NBEA: variants seen among roughly 807,000 people sequenced by gnomAD.
The protein encoded by NBEA is lysosomal-trafficking regulator 2.
NBEA carries 44 observed loss-of-function variants against 343.4 expected under a neutral mutation model. The ratio of observed to expected loss-of-function variants is 0.13; its 90% CI spans 0.10 to 0.16. The LOEUF (loss-of-function observed/expected upper bound fraction) is 0.16. NBEA is among the 10% of genes least tolerant of loss of function. NBEA has a pLI of 1.00. For missense variants in NBEA, 2,555 were observed against 3,631.3 expected, an observed-to-expected ratio of 0.70 and a Z score of 7.62; for synonymous variants, 1,175 against 1,238.7, an observed-to-expected ratio of 0.95 and a Z score of 1.08.
intron 38 of NBEA, among the ~76,000 whole-genome samples, chr13:35,415,175 C>T (rs1055823326): frequency 3.3e-5 from 5 of 152,148 alleles, no homozygotes; most frequent in Admixed American, 6.6e-5. Context: ...TTCTCCCATT[C>T]TGTAGGTTGC....
At position 35,195,911 on chromosome 13, in the gene NBEA, A is replaced by C. The variant is rs201904198; in HGVS notation, c.4975A>C (p.Thr1659Pro). The C allele has an allele frequency of 2.5e-6, 4 of 1,611,446 alleles. No individual in the cohort carries two copies. Among genetic ancestry groups the C allele is most frequent in the African/African-American group, 1.3e-5 (1 of 74,818 alleles). The change falls in exon 31 of 59, where the codon ACT becomes CCT. Residue 1659 changes from threonine to proline, a missense_variant. This residue lies in a region of NBEA where 270 missense variants were observed against 293.3 expected (regional missense o/e 0.92). Transcript: ENST00000379939. ...PDTIKEKETPTPGEDIQVESS... is the reference protein window; with the variant it reads ...PDTIKEKETPPPGEDIQVESS... ...CACCATAAAAGAAAAAGAAACACCAACTCCTGGTGAAGATATTCAGGTAGA... is the reference window on the plus strand; with the variant it reads ...CACCATAAAAGAAAAAGAAACACCACCTCCTGGTGAAGATATTCAGGTAGA...
intron 28 of NBEA, among the ~76,000 whole-genome samples, chr13:35,178,792 A>G (rs2071100434): frequency 6.6e-6 from 1 of 151,562 alleles, no homozygotes; most frequent in Non-Finnish European, 1.5e-5. Flanking sequence ...ACTCACTGTA[A>G]TCTAAACTCT....
intron 8 of NBEA, among the ~76,000 whole-genome samples, chr13:35,066,560 T>C (rs1002150864): frequency 6.6e-6 from 1 of 152,118 alleles, no homozygotes; most frequent in African/African-American, 2.4e-5. Context: ...TAATATCTAG[T>C]AATATATCTT....
chr13:35,594,143 T>G lies in NBEA; in HGVS notation c.7296+696T>G, dbSNP rs141314432. On this transcript the variant is annotated intron_variant, in intron 47 of 58. Transcript: ENST00000379939. Reference sequence around the variant, plus strand: ...CTCTCATTTGTCTCATTTTTTTTCCTGATAATAAGGTTACATGGCCAGGTT... The same window carrying G: ...CTCTCATTTGTCTCATTTTTTTTCCGGATAATAAGGTTACATGGCCAGGTT... Among the ~76,000 whole-genome samples, 6 of 152,270 alleles carry G rather than the reference T, an allele frequency of 3.9e-5. No individual in the cohort carries two copies. The East Asian group carries it at 1.2e-3, about 29-fold the overall frequency.
intron 34 of NBEA, among the ~76,000 whole-genome samples, chr13:35,284,822 T>G (rs1468243061): frequency 6.6e-6 from 1 of 152,058 alleles, no homozygotes; most frequent in Non-Finnish European, 1.5e-5. Flanking sequence ...GGAAGACAAT[T>G]TCATGTTTCA....
chr13:35,161,604 G>C (rs899391229), intron 22 of NBEA, 146 bp from the exon 23 acceptor site: 1 of 723,646 alleles, frequency 1.4e-6, no homozygotes, highest in African/African-American at 1.8e-5. Context: ...GAATTACCAG[G>C]TGAATAATAT....
chr13:35,409,788 C>T (rs149846185), intron 38 of NBEA, among the ~76,000 whole-genome samples: 11 of 151,624 alleles, frequency 7.3e-5, no homozygotes, highest in Non-Finnish European at 1.6e-4. Context: ...TAGAGAGGGC[C>T]GCAGCTTAAC....
intron 36 of NBEA, among the ~76,000 whole-genome samples, chr13:35,325,820 GT>G (rs1375889771): frequency 6.6e-6 from 1 of 151,908 alleles, no homozygotes. Context: ...TCTTTCTTTA[GT>G]TAATTTTTAT....
chr13:35,665,924 A>C (rs1403524017), intron 56 of NBEA, among the ~76,000 whole-genome samples: 2 of 152,196 alleles, frequency 1.3e-5, no homozygotes, highest in African/African-American at 4.8e-5. Flanking sequence ...CACCACACCC[A>C]GCCTCTTTGG....
intron 1 of NBEA, among the ~76,000 whole-genome samples, chr13:34,970,282 T>C (rs1318466529): frequency 6.6e-6 from 1 of 152,184 alleles, no homozygotes; most frequent in East Asian, 1.9e-4. Flanking sequence ...AAGTGGCTTA[T>C]AGATGCTGGA....
At chr13:35,104,455 G>GCTTA (rs2065816786) in intron 11 of NBEA, among the ~76,000 whole-genome samples, 1 of 151,892 alleles carries the variant, frequency 6.6e-6, no homozygotes. Context: ...CTAGAACAGT[G>GCTTA]CTTAGCTCAG....
chr13:35,235,375 A>AT (rs532135060), intron 34 of NBEA, among the ~76,000 whole-genome samples: 1 of 152,144 alleles, frequency 6.6e-6, no homozygotes, highest in Non-Finnish European at 1.5e-5. Context: ...AAAGCCTTTT[A>AT]TTTTTTCTGT....
At chr13:35,576,554 C>G (rs1192703876) in intron 45 of NBEA, among the ~76,000 whole-genome samples, 1 of 151,958 alleles carries the variant, frequency 6.6e-6, no homozygotes, top group Non-Finnish European at 1.5e-5. Context: ...ATTCTAAAAG[C>G]CGACTAAAAT....
chr13:35,598,439 G>A (rs1179069377), intron 47 of NBEA, among the ~76,000 whole-genome samples: 1 of 152,098 alleles, frequency 6.6e-6, no homozygotes, highest in Non-Finnish European at 1.5e-5. Flanking sequence ...CCTCTGAATC[G>A]TTCTTTTGTT....
intron 38 of NBEA, among the ~76,000 whole-genome samples, chr13:35,423,922 C>T (rs181100739): frequency 3.3e-5 from 5 of 152,022 alleles, no homozygotes; most frequent in South Asian, 2.1e-4. Flanking sequence ...ATTGTGAATG[C>T]GAGTTCACTC....
intron 34 of NBEA, among the ~76,000 whole-genome samples, chr13:35,237,872 G>A (rs928103314): frequency 1.1e-4 from 16 of 151,232 alleles, no homozygotes; most frequent in Admixed American, 4.6e-4. Flanking sequence ...TTTTATTGTC[G>A]GTGTCCTTTC....
chr13:35,041,467 A>T (rs61947412), intron 2 of NBEA, among the ~76,000 whole-genome samples: 5,368 of 152,094 alleles, frequency 0.035, 99 homozygotes, highest in South Asian at 0.056. Context: ...GTAGTATTTC[A>T]TTAAGCTTTT....
At chr13:34,963,393 T>C (rs1051346154) in intron 1 of NBEA, among the ~76,000 whole-genome samples, 1 of 151,994 alleles carries the variant, frequency 6.6e-6, no homozygotes, top group Non-Finnish European at 1.5e-5. Flanking sequence ...TCATTTTATC[T>C]GACTTATCTC....
intron 35 of NBEA, among the ~76,000 whole-genome samples, chr13:35,298,352 T>C (rs1288863744): frequency 1.3e-5 from 2 of 151,050 alleles, no homozygotes; most frequent in Non-Finnish European, 3.0e-5. Flanking sequence ...GCTAATTATG[T>C]GTCAGAGATT....
Sources: gnomAD v4.1 joint callset for allele counts (sites outside exome capture counted in the v4.1 genomes callset) on GRCh38, gnomAD v4.1.1 for gene constraint, gnomAD v4.1.1 regional missense constraint, MANE v1.5 for transcripts, NCBI Gene and HGNC (gene_info 2026-07-23, HGNC 2026-07-21) for gene names.